The following SEC24D variants were observed in gnomAD, a reference collection of about 807,000 sequenced individuals.
SEC24D encodes SEC24 homolog D, COPII component.
SEC24D carries 69 observed loss-of-function variants against 116.9 expected under a neutral mutation model. The ratio of observed to expected loss-of-function variants is 0.59; its 90% CI spans 0.49 to 0.72. SEC24D has a LOEUF of 0.72. SEC24D is among the 30% of genes least tolerant of loss of function. The probability of loss-of-function intolerance (pLI) is 0.00; values close to 1 mark genes in which losing one functional copy is unlikely to be tolerated. For synonymous variants in SEC24D, 405 were observed against 442.8 expected (o/e 0.91, Z 1.07); for missense variants, 1,131 against 1,264.1 (o/e 0.89, Z 1.60).
intron 7 of SEC24D, among the ~76,000 whole-genome samples, chr4:118,799,878 G>GTGC (rs1729351865): frequency 1.3e-5 from 2 of 152,152 alleles, no homozygotes; most frequent in South Asian, 4.1e-4. Flanking sequence ...AAAGAAAAGA[G>GTGC]TGCTAGCTGG....
intron 22 of SEC24D, among the ~76,000 whole-genome samples, chr4:118,727,267 C>CTT (rs1282463915): frequency 7.2e-5 from 11 of 152,182 alleles, no homozygotes; most frequent in African/African-American, 2.7e-4. Context: ...AAATCTGATT[C>CTT]TTTAAGTATT....
chr4:118,815,831 A>AG (rs1730124019), intron 4 of SEC24D, 105 bp from the exon 5 acceptor site: 1 of 1,257,034 alleles, frequency 8.0e-7, no homozygotes, highest in African/African-American at 1.5e-5. Flanking sequence ...ATAAAGCAAG[A>AG]GGACACCCTT....
intron 8 of SEC24D, among the ~76,000 whole-genome samples, chr4:118,793,271 T>A (rs548164666): frequency 6.6e-6 from 1 of 151,296 alleles, no homozygotes; most frequent in South Asian, 2.1e-4. Context: ...ATAGAGACCA[T>A]CCCGGCTAAA....
intron 19 of SEC24D, chr4:118,733,205 T>A (rs1301910920): frequency 4.4e-6 from 1 of 226,800 alleles, no homozygotes; most frequent in Non-Finnish European, 8.5e-6. Flanking sequence ...AGCAGGTGTG[T>A]GACCCTGGGC....
chr4:118,728,350 C>A (rs1725509519), intron 22 of SEC24D, among the ~76,000 whole-genome samples: 1 of 152,042 alleles, frequency 6.6e-6, no homozygotes, highest in Admixed American at 6.6e-5. Context: ...CATAGTTAAC[C>A]CATGGTAATA....
At chr4:118,743,876 A>C in intron 15 of SEC24D, 112 bp downstream of exon 15, 1 of 963,390 alleles carries the variant, frequency 1.0e-6, no homozygotes, top group Non-Finnish European at 1.5e-6. Flanking sequence ...CTGCTCTTGA[A>C]TTTATATGTG....
chr4:118,809,161 A>T (rs1305667148), intron 6 of SEC24D, among the ~76,000 whole-genome samples: 3 of 151,978 alleles, frequency 2.0e-5, no homozygotes, highest in African/African-American at 7.3e-5. Flanking sequence ...TTTAGTAGAG[A>T]CGGGGTTTCA....
In SEC24D at chr4:118,732,911, A is replaced by C. The variant is rs764842677; in HGVS notation, c.2498T>G (p.Leu833Arg). Residue 833 changes from leucine to arginine, a missense_variant and splice_region_variant, in exon 20 of 23, where the codon CTT becomes CGT. Coordinates refer to ENST00000280551, the MANE Select transcript of SEC24D (RefSeq NM_014822.4). Reference protein sequence around the residue: ...NCASPSAASQLILPDSMKVLP... With the variant: ...NCASPSAASQRILPDSMKVLP... ...TACTTTCATGGAATCTGGTAGAATA[A>C]GCTGAAAAAGACAATTTTTTGTTTC... The C allele has an allele frequency of 1.2e-6, 2 of 1,612,792 alleles. No individual in the cohort carries two copies. The highest frequency in any genetic ancestry group is 1.7e-6 in the Non-Finnish European group (2 of 1,179,078).
chr4:118,759,965 C>T (rs1416899082), intron 10 of SEC24D, among the ~76,000 whole-genome samples: 1 of 152,148 alleles, frequency 6.6e-6, no homozygotes, highest in African/African-American at 2.4e-5. Flanking sequence ...TCCAACTATA[C>T]TGGTCTTTCC....
chr4:118,816,091 T>C (rs1730135760), intron 4 of SEC24D, among the ~76,000 whole-genome samples: 1 of 130,120 alleles, frequency 7.7e-6, no homozygotes, highest in African/African-American at 2.8e-5. Context: ...CAAGTTCATT[T>C]TTTTTTTTTT....
intron 15 of SEC24D, among the ~76,000 whole-genome samples, chr4:118,742,111 C>A (rs1368463470): frequency 6.6e-6 from 1 of 151,726 alleles, no homozygotes; most frequent in African/African-American, 2.4e-5. Context: ...CACTGAGGTA[C>A]AAGTAAATAT....
At chr4:118,743,697 C>T (rs1372734376) in intron 15 of SEC24D, among the ~76,000 whole-genome samples, 2 of 151,942 alleles carry the variant, frequency 1.3e-5, no homozygotes, top group Non-Finnish European at 2.9e-5. Flanking sequence ...ACAATGTGAA[C>T]GTTATGTAAA....
intron 2 of SEC24D, among the ~76,000 whole-genome samples, chr4:118,829,350 A>C (rs1413203685): frequency 5.3e-5 from 8 of 152,186 alleles, no homozygotes; most frequent in Non-Finnish European, 8.8e-5. Context: ...CCATCTCTAC[A>C]AAAAATTTTA....
At chr4:118,828,471 C>T (rs893046305) in intron 2 of SEC24D, among the ~76,000 whole-genome samples, 2 of 152,104 alleles carry the variant, frequency 1.3e-5, no homozygotes, top group African/African-American at 2.4e-5. Flanking sequence ...GGCGATTTTG[C>T]CCCTAAAATA....
chr4:118,782,965 A>C (rs924233714), intron 8 of SEC24D, among the ~76,000 whole-genome samples: 1 of 152,096 alleles, frequency 6.6e-6, no homozygotes, highest in African/African-American at 2.4e-5. Flanking sequence ...GGAAAAGCGC[A>C]GTATTTTGGT....
rs1317808816 is a variant in SEC24D, at chr4:118,739,268, G to A, written c.2258C>T (p.Thr753Ile). The part of the protein sequence containing the change: ...ALIQCAVLYT[T>I]ISGQRRLRIH... ...CCGAAGTCTTCTTTGACCACTGATT[G>A]TCGTGTAAAGCACAGCACACTGTAG... Residue 753 changes from threonine to isoleucine, a missense_variant, in exon 18 of 23, where the codon ACA becomes ATA. Transcript: ENST00000280551. 21 of 1,613,578 alleles carry A rather than the reference G, an allele frequency of 1.3e-5. No individual in the cohort carries two copies. The highest frequency in any genetic ancestry group is 1.8e-5 in the Non-Finnish European group (21 of 1,179,598).
chr4:118,732,616 T>C lies in SEC24D; in HGVS notation c.2676+117A>G. The C allele has an allele frequency of 6.0e-6, 6 of 992,440 alleles. No individual in the cohort carries two copies. In the South Asian group the frequency reaches 8.3e-5, roughly 14 times the overall value. 61.5% of individuals were successfully genotyped at this position (992,440 alleles called of 1,614,324 possible). On this transcript the variant is annotated intron_variant, in intron 20 of 22. Transcript: ENST00000280551. ...CCCACACCATATATTTTGAAGGCAT[T>C]TGTGACTTTAACTTTCCTCTTAAGA... is the stretch of plus-strand genomic sequence containing the variant.
chr4:118,723,490 A>C lies in SEC24D; in HGVS notation c.*25T>G. ...AAGGAGATTATCTCCTTGGAAATGC[A>C]ACATCAATGACAGAGAAGTTTCAAT... On this transcript the variant is annotated 3_prime_UTR_variant, in exon 23 of 23. Coordinates refer to ENST00000280551, the MANE Select transcript of SEC24D (RefSeq NM_014822.4). The C allele has an allele frequency of 6.3e-7, 1 of 1,596,488 alleles. No individual in the cohort carries two copies. The highest frequency in any genetic ancestry group is 1.2e-5 in the South Asian group (1 of 86,706).
At chr4:118,789,658 C>A (rs1037091578) in intron 8 of SEC24D, among the ~76,000 whole-genome samples, 3 of 152,228 alleles carry the variant, frequency 2.0e-5, no homozygotes, top group African/African-American at 7.2e-5. Context: ...AACCTTAGCT[C>A]ACTGCAACCT....
Sources: allele counts gnomAD v4.1 joint callset (sites outside exome capture counted in the v4.1 genomes callset), GRCh38; gene constraint gnomAD v4.1.1; transcripts MANE v1.5; gene names NCBI Gene and HGNC (gene_info 2026-07-23, HGNC 2026-07-21).